Variants in SHANK2 observed in about 807,000 individuals in gnomAD.
SHANK2 encodes the protein SH3 and multiple ankyrin repeat domains 2, also known as SH3 and multiple ankyrin repeat domains protein 2.
Under a neutral mutation model 133.7 loss-of-function variants are expected in SHANK2, and 43 were observed. The ratio of observed to expected loss-of-function variants is 0.32; its 90% CI spans 0.25 to 0.41. The LOEUF is 0.41. SHANK2 is among the 10% of genes least tolerant of loss of function. The probability of loss-of-function intolerance (pLI) is 1.00; values close to 1 mark genes in which losing one functional copy is unlikely to be tolerated. For missense variants in SHANK2, 1,994 were observed against 2,235.8 expected (o/e 0.89, Z 2.18); for synonymous variants, 1,017 against 952.8 (o/e 1.07, Z -1.24).
intron 17 of SHANK2, among the ~76,000 whole-genome samples, chr11:70,622,714 CGT>C (rs1554998316): frequency 2.0e-5 from 3 of 152,142 alleles, no homozygotes. Flanking sequence ...CTGCGAAGAC[CGT>C]GTTTCCAAAT....
At position 70,486,437 on chromosome 11, in the gene SHANK2, G is replaced by A. The variant is rs1555153600; in HGVS notation, c.3856C>T (p.Leu1286=). Residue 1286 remains leucine, a synonymous_variant, in exon 25 of 26, where the codon CTG becomes TTG. Coordinates refer to ENST00000601538, the MANE Select transcript of SHANK2 (RefSeq NM_012309.5). This position sits in a 1 kb window ranked among gnomAD's most constrained non-coding sequence, Gnocchi z 8.0. The part of the protein sequence containing the change: ...QETENKYETD[L]GRDRKGDDKK... ...TCATCGCCTTTCCGGTCTCGGCCCA[G>A]GTCGGTCTCGTACTTGTTCTCCGTC... The A allele has an allele frequency of 2.5e-6, 4 of 1,614,102 alleles. No homozygotes were observed. The highest frequency in any genetic ancestry group is 1.3e-5 in the African/African-American group (1 of 75,042).
intron 2 of SHANK2, among the ~76,000 whole-genome samples, chr11:71,171,814 A>G (rs1953319386): frequency 6.6e-6 from 1 of 152,232 alleles, no homozygotes; most frequent in Non-Finnish European, 1.5e-5. Context: ...CATCGGATTA[A>G]TCAGATTAAT....
intron 15 of SHANK2, among the ~76,000 whole-genome samples, chr11:70,688,166 C>T (rs956660430): frequency 6.6e-6 from 1 of 152,198 alleles, no homozygotes; most frequent in Non-Finnish European, 1.5e-5. Flanking sequence ...AGACCAAGTG[C>T]GCCCAGCCCC....
At chr11:70,954,563 G>A (rs534377765) in intron 10 of SHANK2, among the ~76,000 whole-genome samples, 2 of 152,344 alleles carry the variant, frequency 1.3e-5, no homozygotes, top group South Asian at 2.1e-4. Flanking sequence ...CTGACATTTC[G>A]GGAGATCCGC....
chr11:70,549,153 G>C (rs1484162487), intron 17 of SHANK2, among the ~76,000 whole-genome samples: 1 of 152,172 alleles, frequency 6.6e-6, no homozygotes, highest in Admixed American at 6.5e-5. Flanking sequence ...GGGGGCGCTC[G>C]ACGTGAAAGC....
chr11:70,911,539 C>T (rs1192749292), intron 10 of SHANK2, among the ~76,000 whole-genome samples: 1 of 151,928 alleles, frequency 6.6e-6, no homozygotes, highest in Non-Finnish European at 1.5e-5. Context: ...CTTTATTTGC[C>T]CCCCAACTTC....
chr11:70,760,184 G>A (rs575691179), intron 14 of SHANK2, among the ~76,000 whole-genome samples: 1 of 152,334 alleles, frequency 6.6e-6, no homozygotes, highest in Admixed American at 6.5e-5. Flanking sequence ...GTCAGGACCT[G>A]CTTTGTGAAT....
At chr11:71,085,849 TA>T (rs1951392144) in intron 8 of SHANK2, among the ~76,000 whole-genome samples, 8 of 50 alleles carry the variant, frequency 0.16, no homozygotes, top group Non-Finnish European at 0.27. Context: ...AACAATAATA[TA>T]TATTGTTATT....
At chr11:71,104,142 C>T (rs1045869722) in intron 6 of SHANK2, among the ~76,000 whole-genome samples, 2 of 152,104 alleles carry the variant, frequency 1.3e-5, no homozygotes, top group African/African-American at 4.8e-5. Flanking sequence ...CTAATAGCAC[C>T]ACAACGCTCA....
intron 2 of SHANK2, among the ~76,000 whole-genome samples, chr11:71,210,667 G>A (rs1278309050): frequency 6.6e-6 from 1 of 152,122 alleles, no homozygotes; most frequent in East Asian, 1.9e-4. Context: ...CTGGAGACCA[G>A]ATCACTCCAT....
chr11:70,670,198 GC>G (rs1944769425), intron 15 of SHANK2, among the ~76,000 whole-genome samples: 1 of 152,224 alleles, frequency 6.6e-6, no homozygotes, highest in African/African-American at 2.4e-5. Flanking sequence ...CCTGAGAGCA[GC>G]TTCGCTAAAT....
At chr11:70,532,243 A>T (rs1416596923) in intron 17 of SHANK2, among the ~76,000 whole-genome samples, 1 of 152,140 alleles carries the variant, frequency 6.6e-6, no homozygotes, top group African/African-American at 2.4e-5. Flanking sequence ...TGTGCAAGAT[A>T]AATGTGTTTC....
chr11:70,731,728 C>A (rs1264302003), intron 14 of SHANK2, among the ~76,000 whole-genome samples: 7 of 152,232 alleles, frequency 4.6e-5, no homozygotes, highest in African/African-American at 1.7e-4. Flanking sequence ...TGCACAGGGA[C>A]TTGTCTGGAC....
At chr11:70,756,464 G>A (rs188601486) in intron 14 of SHANK2, among the ~76,000 whole-genome samples, 64 of 152,258 alleles carry the variant, frequency 4.2e-4, no homozygotes, top group African/African-American at 1.5e-3. Flanking sequence ...CACGCTGCCT[G>A]GCACAGAGCA....
chr11:70,715,750 G>A (rs1055351839), intron 14 of SHANK2, among the ~76,000 whole-genome samples: 1 of 152,208 alleles, frequency 6.6e-6, no homozygotes, highest in Non-Finnish European at 1.5e-5. Flanking sequence ...TGTCCATGCC[G>A]AAGCAGGCTC....
intron 17 of SHANK2, among the ~76,000 whole-genome samples, chr11:70,515,442 C>T (rs906760389): frequency 1.3e-5 from 2 of 151,964 alleles, no homozygotes; most frequent in African/African-American, 2.4e-5. Flanking sequence ...TTATCTTCTT[C>T]GAAGGCCATA....
chr11:70,794,480 C>T (rs188666004), intron 14 of SHANK2, among the ~76,000 whole-genome samples: 32 of 152,206 alleles, frequency 2.1e-4, no homozygotes, highest in South Asian at 1.7e-3. Flanking sequence ...CACTTGCTTC[C>T]GGTGTGGGAT....
In SHANK2 at chr11:70,580,312, G is replaced by A. The variant is rs1198183923; in HGVS notation, c.2062-77381C>T. On this transcript the variant is annotated intron_variant, in intron 17 of 25. Coordinates refer to ENST00000601538, the MANE Select transcript of SHANK2 (RefSeq NM_012309.5). Reference sequence around the variant, plus strand: ...ATTTTGCAACTGAAGACCCTGTAATGAGCCACAAGGTGAGAGCTCAGCCCT... The same window carrying A: ...ATTTTGCAACTGAAGACCCTGTAATAAGCCACAAGGTGAGAGCTCAGCCCT... 3.3e-5 allele frequency among the ~76,000 whole-genome samples: 5 copies of A among 152,326 alleles called. No homozygotes were observed. In the East Asian group the frequency reaches 9.7e-4, roughly 29 times the overall value.
chr11:70,810,291 T>TGCACGTGTA (rs1948252046), intron 12 of SHANK2, among the ~76,000 whole-genome samples: 1 of 152,204 alleles, frequency 6.6e-6, no homozygotes, highest in South Asian at 2.1e-4. Flanking sequence ...CCCAGCCATC[T>TGCACGTGTA]GCACGTGTAC....
Sources: allele counts gnomAD v4.1 joint callset (sites outside exome capture counted in the v4.1 genomes callset), GRCh38; gene constraint gnomAD v4.1.1; non-coding constraint Gnocchi (gnomAD v3.1); transcripts MANE v1.5; gene names NCBI Gene and HGNC (gene_info 2026-07-23, HGNC 2026-07-21).